The following HUNK variants were observed in gnomAD, a reference collection of about 807,000 sequenced individuals.
The protein encoded by HUNK is hormonally up-regulated neu tumor-associated kinase.
A neutral mutation model predicts 61.0 loss-of-function variants in HUNK; 21 were observed. That is an observed-to-expected ratio of 0.34 (90% CI 0.24 to 0.50). The LOEUF (loss-of-function observed/expected upper bound fraction) is 0.50, where lower values mean the gene tolerates loss of function less well. HUNK is among the 20% of genes least tolerant of loss of function. The pLI is 0.98. For synonymous variants in HUNK, 371 were observed against 386.1 expected, an observed-to-expected ratio of 0.96 and a Z score of 0.46; for missense variants, 772 against 945.7, an observed-to-expected ratio of 0.82 and a Z score of 2.41.
chr21:31,917,584 G>A (rs1601376899), intron 1 of HUNK, among the ~76,000 whole-genome samples: 3 of 151,918 alleles, frequency 2.0e-5, no homozygotes, highest in East Asian at 1.9e-4. Flanking sequence ...CTTGCAACTT[G>A]GATCTGTTGA....
chr21:31,954,056 G>A (rs2052871064), intron 4 of HUNK, among the ~76,000 whole-genome samples: 1 of 152,194 alleles, frequency 6.6e-6, no homozygotes, highest in Admixed American at 6.5e-5. Flanking sequence ...GCCAGTTGGT[G>A]ACAAGAAGGC....
intron 7 of HUNK, among the ~76,000 whole-genome samples, chr21:31,980,789 C>T (rs1039156220): frequency 4.6e-5 from 7 of 152,280 alleles, no homozygotes; most frequent in Admixed American, 1.3e-4. Context: ...ATCGCAACCT[C>T]CGTCTCCCAG....
chr21:31,987,015 C>T (rs1223622703), intron 8 of HUNK, among the ~76,000 whole-genome samples: 1 of 152,152 alleles, frequency 6.6e-6, no homozygotes, highest in African/African-American at 2.4e-5. Flanking sequence ...TCACAATATT[C>T]CCAGAGGCCA....
intron 6 of HUNK, chr21:31,974,341 T>A (rs2123852654): frequency 5.1e-6 from 2 of 391,732 alleles, no homozygotes; most frequent in Non-Finnish European, 8.9e-6. Context: ...AATGCAAGGA[T>A]GGCAAAGTGA....
intron 1 of HUNK, among the ~76,000 whole-genome samples, chr21:31,874,393 C>T (rs906709980): frequency 6.6e-6 from 1 of 151,910 alleles, no homozygotes; most frequent in African/African-American, 2.4e-5. Flanking sequence ...AGTCTGATCC[C>T]CGTCCTGGGC....
At chr21:31,876,714 G>A (rs73191244) in intron 1 of HUNK, among the ~76,000 whole-genome samples, 11,047 of 152,272 alleles carry the variant, frequency 0.073, 575 homozygotes, top group South Asian at 0.14. Flanking sequence ...CCCACTGTGG[G>A]TGACCCAGGG....
chr21:31,909,361 G>A (rs1448437488), intron 1 of HUNK, among the ~76,000 whole-genome samples: 1 of 152,134 alleles, frequency 6.6e-6, no homozygotes, highest in African/African-American at 2.4e-5. Context: ...TGGAGCCCAG[G>A]CGCAGAGGAT....
intron 3 of HUNK, 146 bp from the exon 4 acceptor site, chr21:31,945,890 A>G (rs2052798984): frequency 1.3e-6 from 1 of 774,912 alleles, no homozygotes; most frequent in East Asian, 2.6e-5. Flanking sequence ...TGCAGCTGCT[A>G]CAGTTTTCTT....
At position 32,001,393 on chromosome 21, in the gene HUNK, A is replaced by G. The variant is rs1187811208; in HGVS notation, c.*2209A>G. The G allele has an allele frequency of 6.6e-6, 1 of 152,234 alleles. No homozygotes were observed. Among genetic ancestry groups the G allele is most frequent in the Non-Finnish European group, 1.5e-5 (1 of 68,048 alleles). 9.4% of individuals were successfully genotyped at this position (152,234 alleles called of 1,614,324 possible). ...GACGGTTTCCAGCTGCAACGGCTCC[A>G]CTTTGCAGGCTTGCAGGGTGTATAC... On this transcript the variant is annotated 3_prime_UTR_variant, in exon 11 of 11. Transcript: ENST00000270112.
chr21:31,889,009 C>G (rs766787333), intron 1 of HUNK, among the ~76,000 whole-genome samples: 1 of 152,132 alleles, frequency 6.6e-6, no homozygotes, highest in Non-Finnish European at 1.5e-5. Context: ...TAGTACTTCT[C>G]TTTTGCGCTG....
intron 2 of HUNK, among the ~76,000 whole-genome samples, chr21:31,939,513 A>T (rs1488946430): frequency 7.0e-6 from 1 of 143,570 alleles, no homozygotes; most frequent in African/African-American, 2.6e-5. Flanking sequence ...GGTACAAGCG[A>T]TTCTCCTGCC....
chr21:31,874,182 C>T lies in HUNK; in HGVS notation c.261+247C>T, dbSNP rs376686896. ...GGGACGGCCTTGCCCCGGGAAGCGT[C>T]CCGCGCGGCCGTTCTGCTCGTGGAA... On this transcript the variant is annotated intron_variant, in intron 1 of 10. Coordinates refer to ENST00000270112, the MANE Select transcript of HUNK (RefSeq NM_014586.2). Among the ~76,000 whole-genome samples, 50 of 151,066 alleles carry T rather than the reference C, an allele frequency of 3.3e-4. 1 individual carries two copies. The South Asian group carries it at 0.01, about 31-fold the overall frequency.
Position 32,003,504 on chromosome 21 carries a change from T to C in HUNK, c.*4320T>C, listed in dbSNP as rs780780745. 6.6e-6 allele frequency: 1 copy of C among 152,114 alleles called. No homozygotes were observed. Among genetic ancestry groups the C allele is most frequent in the Non-Finnish European group, 1.5e-5 (1 of 68,026 alleles). 9.4% of individuals were successfully genotyped at this position (152,114 alleles called of 1,614,324 possible). A position where few individuals can be genotyped will look rare whatever the true frequency, so the allele number is the denominator to read the frequency against. ...TCTTTTGGGGGAGTCTGGAAGCCTG[T>C]TGGTTAGTGTATTTATTTTCTTTGT... On this transcript the variant is annotated 3_prime_UTR_variant, in exon 11 of 11. Transcript: ENST00000270112.
chr21:31,964,065 G>A (rs73901207), intron 5 of HUNK, among the ~76,000 whole-genome samples: 1,910 of 152,228 alleles, frequency 0.013, 43 homozygotes, highest in African/African-American at 0.043. Context: ...TGCCTTTTAT[G>A]GCTGAGCAGT....
chr21:31,889,164 T>C (rs917168524), intron 1 of HUNK, among the ~76,000 whole-genome samples: 3 of 152,184 alleles, frequency 2.0e-5, no homozygotes, highest in African/African-American at 4.8e-5. Context: ...AGATTACTTA[T>C]TAAAAACAAA....
At chr21:31,950,294 A>G (rs1201222635) in intron 4 of HUNK, among the ~76,000 whole-genome samples, 1 of 152,122 alleles carries the variant, frequency 6.6e-6, no homozygotes, top group Non-Finnish European at 1.5e-5. Context: ...GGAAGGTGTC[A>G]GGGAAGAAGG....
Position 31,968,396 on chromosome 21 carries a change from G to C in HUNK, c.1010+11G>C, listed in dbSNP as rs1434997299. On this transcript the variant is annotated intron_variant, in intron 6 of 10. Coordinates refer to ENST00000270112, the MANE Select transcript of HUNK (RefSeq NM_014586.2). Reference sequence around the variant, plus strand: ...CACCTATCCCAACAGGTAATTTCGTGCACCCAGAGGAACTCCTCGGGAGAG... The same window carrying C: ...CACCTATCCCAACAGGTAATTTCGTCCACCCAGAGGAACTCCTCGGGAGAG... 1 of 1,614,096 alleles carries C rather than the reference G, an allele frequency of 6.2e-7. No homozygotes were observed. Among genetic ancestry groups the C allele is most frequent in the Admixed American group, 1.7e-5 (1 of 60,020 alleles).
chr21:31,971,357 C>T (rs1397354540), intron 6 of HUNK, among the ~76,000 whole-genome samples: 1 of 152,150 alleles, frequency 6.6e-6, no homozygotes, highest in Non-Finnish European at 1.5e-5. Flanking sequence ...TAGGCGTGAG[C>T]CACCACCGTG....
intron 1 of HUNK, among the ~76,000 whole-genome samples, chr21:31,912,515 T>C (rs2052553723): frequency 6.6e-6 from 1 of 152,044 alleles, no homozygotes; most frequent in Admixed American, 6.6e-5. Context: ...ATTAGGCTGG[T>C]TGGGGAAGCC....
Sources: gnomAD v4.1 joint callset for allele counts (sites outside exome capture counted in the v4.1 genomes callset) on GRCh38, gnomAD v4.1.1 for gene constraint, MANE v1.5 for transcripts, NCBI Gene and HGNC (gene_info 2026-07-23, HGNC 2026-07-21) for gene names.